Variants in USP32 observed in about 807,000 individuals in gnomAD.
USP32 encodes the protein ubiquitin carboxyl-terminal hydrolase 32.
In USP32, 59 loss-of-function variants were observed where a neutral mutation model predicts 204.8. That is an observed-to-expected ratio of 0.29 (90% CI 0.23 to 0.36). The LOEUF is 0.36. Ranked by LOEUF, USP32 falls within the 10% of genes least tolerant of loss-of-function variation. USP32 has a pLI of 1.00. For missense variants in USP32, 1,160 were observed against 1,946.4 expected (o/e 0.60, Z 7.60); for synonymous variants, 517 against 678.4 (o/e 0.76, Z 3.70).
intron 1 of USP32, among the ~76,000 whole-genome samples, chr17:60,357,277 C>A (rs1390619915): frequency 1.3e-5 from 2 of 151,980 alleles, no homozygotes; most frequent in African/African-American, 4.8e-5. Flanking sequence ...AGAGGGAGAC[C>A]CCATCTCTAC....
At chr17:60,224,595 G>A (rs1458551510) in intron 13 of USP32, among the ~76,000 whole-genome samples, 1 of 152,150 alleles carries the variant, frequency 6.6e-6, no homozygotes, top group Non-Finnish European at 1.5e-5. Context: ...AACCAGCACA[G>A]GCAACATGAG....
rs548600652 is a variant in USP32, at chr17:60,312,578, G to A, written c.187-10874C>T. ...TCTGAGGACTCCCAAGTAGCTGAGC[G>A]CACAGGAACATGCCATCACACCTTG... On this transcript the variant is annotated intron_variant, in intron 2 of 33. Coordinates refer to ENST00000300896, the MANE Select transcript of USP32 (RefSeq NM_032582.4). Among the ~76,000 whole-genome samples the A allele has an allele frequency of 2.0e-3, 308 of 151,932 alleles. 2 individuals are homozygous for A. The highest frequency in any genetic ancestry group is 3.2e-3 in the Non-Finnish European group (216 of 67,964).
chr17:60,310,560 G>A (rs1258145324), intron 2 of USP32, among the ~76,000 whole-genome samples: 5 of 152,022 alleles, frequency 3.3e-5, no homozygotes, highest in South Asian at 2.1e-4. Flanking sequence ...TTAGCTGGGC[G>A]TGGTGGCACG....
intron 29 of USP32, among the ~76,000 whole-genome samples, chr17:60,187,055 T>C (rs1184142569): frequency 6.6e-6 from 1 of 152,170 alleles, no homozygotes; most frequent in Non-Finnish European, 1.5e-5. Context: ...TATTTATTGC[T>C]CCTCCCTTCC....
chr17:60,271,819 T>C (rs2086730708), intron 5 of USP32, among the ~76,000 whole-genome samples: 1 of 151,910 alleles, frequency 6.6e-6, no homozygotes, highest in Admixed American at 6.6e-5. Context: ...CTTCTTTTTT[T>C]TTTTTTAAGA....
chr17:60,297,893 C>T (rs2087476603), intron 3 of USP32, among the ~76,000 whole-genome samples: 1 of 152,206 alleles, frequency 6.6e-6, no homozygotes, highest in Non-Finnish European at 1.5e-5. Flanking sequence ...GTTCCACAAG[C>T]CGTAACTACA....
At chr17:60,376,122 T>A (rs574247853) in intron 1 of USP32, among the ~76,000 whole-genome samples, 2 of 152,230 alleles carry the variant, frequency 1.3e-5, no homozygotes, top group African/African-American at 4.8e-5. Context: ...CATGGCTCAC[T>A]ACAGCCTCAA....
intron 10 of USP32, among the ~76,000 whole-genome samples, chr17:60,253,070 G>T (rs1424780411): frequency 1.3e-5 from 2 of 151,290 alleles, no homozygotes; most frequent in East Asian, 3.9e-4. Flanking sequence ...TAAAATGTTG[G>T]AAACATACAT....
intron 1 of USP32, among the ~76,000 whole-genome samples, chr17:60,360,536 G>A (rs188387846): frequency 6.0e-4 from 91 of 151,986 alleles, no homozygotes; most frequent in Non-Finnish European, 1.1e-3. Flanking sequence ...GCACATGCCT[G>A]TAGTCCCAGT....
At position 60,290,774 on chromosome 17, in the gene USP32, C is replaced by A. The variant is rs917116929; in HGVS notation, c.412-2092G>T. Among the ~76,000 whole-genome samples the A allele has an allele frequency of 6.6e-5, 10 of 151,516 alleles. 1 individual carries two copies. The highest frequency in any genetic ancestry group is 2.4e-4 in the African/African-American group (10 of 41,244). On this transcript the variant is annotated intron_variant, in intron 4 of 33. Coordinates refer to ENST00000300896, the MANE Select transcript of USP32 (RefSeq NM_032582.4). ...GCCACTGGGAAAAAAAAAAAGAAAA[C>A]CACAATGATTAACCTCTAGGGAGGG... is the stretch of plus-strand genomic sequence containing the variant.
chr17:60,271,815 T>C (rs115710481), intron 5 of USP32, among the ~76,000 whole-genome samples: 290 of 151,224 alleles, frequency 1.9e-3, no homozygotes, highest in African/African-American at 6.6e-3. Flanking sequence ...TTTTCTTCTT[T>C]TTTTTTTTTT....
intron 12 of USP32, among the ~76,000 whole-genome samples, chr17:60,232,293 C>T (rs1215440190): frequency 1.3e-5 from 2 of 150,458 alleles, no homozygotes; most frequent in Non-Finnish European, 3.0e-5. Flanking sequence ...CTGCCTCAGC[C>T]TCCCAAGTAG....
chr17:60,277,488 AG>A (rs1444338997), intron 5 of USP32, among the ~76,000 whole-genome samples: 2 of 152,230 alleles, frequency 1.3e-5, no homozygotes, highest in Non-Finnish European at 2.9e-5. Context: ...CAGATTTACT[AG>A]GCAGTTCATG....
At chr17:60,249,651 CTGG>C in intron 11 of USP32, 2 of 677,322 alleles carry the variant, frequency 3.0e-6, no homozygotes, top group Non-Finnish European at 5.3e-6. Flanking sequence ...AAAGCTGCTC[CTGG>C]TTAAATTACC....
intron 2 of USP32, 26 bp from the exon 3 acceptor site, chr17:60,301,730 T>C: frequency 6.7e-7 from 1 of 1,495,822 alleles, no homozygotes; most frequent in East Asian, 2.4e-5. Context: ...AAAGCCAACC[T>C]TAGGAGGCAT....
At chr17:60,220,737 G>A (rs1323540603) in intron 15 of USP32, among the ~76,000 whole-genome samples, 3 of 151,728 alleles carry the variant, frequency 2.0e-5, no homozygotes, top group Non-Finnish European at 2.9e-5. Flanking sequence ...TCTGCCTCCC[G>A]GGTTCTTGCC....
chr17:60,392,701 G>A, upstream of USP32: 1 of 432,476 alleles, frequency 2.3e-6, no homozygotes, highest in Admixed American at 2.6e-5. Context: ...GTTGTGAAAG[G>A]AAAGGAGAAT....
chr17:60,259,781 A>G (rs2086408819), intron 9 of USP32, among the ~76,000 whole-genome samples: 1 of 152,142 alleles, frequency 6.6e-6, no homozygotes. Flanking sequence ...GTCACTCACT[A>G]ATTCACCAAA....
chr17:60,363,687 T>TG (rs2089257689), intron 1 of USP32, among the ~76,000 whole-genome samples: 1 of 151,568 alleles, frequency 6.6e-6, no homozygotes, highest in Admixed American at 6.6e-5. Flanking sequence ...TTGGTGGAGA[T>TG]GGAGTCTCCC....
Sources: gnomAD v4.1 joint callset for allele counts (sites outside exome capture counted in the v4.1 genomes callset) on GRCh38, gnomAD v4.1.1 for gene constraint, MANE v1.5 for transcripts, NCBI Gene and HGNC (gene_info 2026-07-23, HGNC 2026-07-21) for gene names.